The following GFI1B variants were observed in gnomAD, a reference collection of about 807,000 sequenced individuals.
GFI1B encodes the protein zinc finger protein Gfi-1b.
Under a neutral mutation model 35.3 loss-of-function variants are expected in GFI1B, and 20 were observed. The observed-to-expected ratio is 0.57, with a 90% CI of 0.40 to 0.82. The LOEUF (loss-of-function observed/expected upper bound fraction) is 0.82. Among genes scored for constraint, GFI1B ranks in the 40% least tolerant of loss-of-function variants. GFI1B has a pLI of 0.00. For missense variants in GFI1B, 430 were observed against 446.3 expected (o/e 0.96, Z 0.33); for synonymous variants, 178 against 177.6 (o/e 1.00, Z -0.02).
chr9:132,985,072 G>C lies in GFI1B; in HGVS notation c.-20-1587G>C, dbSNP rs540752473. 2.6e-5 allele frequency among the ~76,000 whole-genome samples: 4 copies of C among 152,174 alleles called. No homozygotes were observed. In the East Asian group the frequency reaches 7.7e-4, roughly 29 times the overall value. ...TTGCATGGCGGCTGGCCCAAGGGGT[G>C]GGGGGGTGGGACTCCTCTGACGCCT... is the stretch of plus-strand genomic sequence containing the variant. On this transcript the variant is annotated intron_variant, in intron 1 of 6. Coordinates refer to ENST00000372122, the MANE Select transcript of GFI1B (RefSeq NM_001377304.1).
At chr9:132,979,643 A>C (rs1588427671) in intron 1 of GFI1B, among the ~76,000 whole-genome samples, 1 of 152,308 alleles carries the variant, frequency 6.6e-6, no homozygotes, top group African/African-American at 2.4e-5. Flanking sequence ...CTCCAGGAAC[A>C]ATAGGACCGA....
At chr9:132,960,023 C>T (rs1053363000) in intron 1 of GFI1B, among the ~76,000 whole-genome samples, 4 of 152,290 alleles carry the variant, frequency 2.6e-5, no homozygotes, top group East Asian at 1.9e-4. Flanking sequence ...GTCCCCTATA[C>T]CTGCTGGCAA....
rs1048088270 is a variant in GFI1B at position 132,986,291 on chromosome 9, G to A, written c.-20-368G>A. On this transcript the variant is annotated intron_variant, in intron 1 of 6. Coordinates refer to ENST00000372122, the MANE Select transcript of GFI1B (RefSeq NM_001377304.1). ...GCTGATAGAAGCTCCGAGTTCTGGC[G>A]GCTGTCGGCACTGCCTGGCATTCTC... Among the ~76,000 whole-genome samples, 11 of 148,264 alleles carry A rather than the reference G, an allele frequency of 7.4e-5. No individual in the cohort carries two copies. The East Asian group carries it at 2.1e-3, about 29-fold the overall frequency.
At chr9:132,969,437 T>A (rs973883624) in intron 1 of GFI1B, among the ~76,000 whole-genome samples, 1 of 152,234 alleles carries the variant, frequency 6.6e-6, no homozygotes, top group African/African-American at 2.4e-5. Context: ...TCGGGGTTCA[T>A]CCAGGTTGTT....
intron 1 of GFI1B, among the ~76,000 whole-genome samples, chr9:132,981,942 G>A (rs372555398): frequency 2.6e-4 from 39 of 152,256 alleles, no homozygotes; most frequent in East Asian, 2.1e-3. Context: ...TAGTAGAGAC[G>A]GGGTTTCCCC....
In GFI1B at chr9:132,990,892, C is replaced by A. The variant is rs763548823; in HGVS notation, c.835C>A (p.Gln279Lys). The A allele has an allele frequency of 6.2e-7, 1 of 1,614,220 alleles. No homozygotes were observed. Among genetic ancestry groups the A allele is most frequent in the Admixed American group, 1.7e-5 (1 of 60,032 alleles). The stretch of plus-strand genomic sequence containing the variant: ...TGCAGGTGAGAAGCCGCACAAGTGC[C>A]AGGTGTGCGGAAAGGCCTTCAGCCA... ...IHTGEKPHKC[Q>K]VCGKAFSQSS... is the part of the protein sequence containing the mutation. Residue 279 changes from glutamine to lysine, a missense_variant, in exon 7 of 7, where the codon CAG becomes AAG. Gln to Lys is a moderately conservative substitution (Grantham distance 53). Coordinates refer to ENST00000372122, the MANE Select transcript of GFI1B (RefSeq NM_001377304.1).
intron 1 of GFI1B, among the ~76,000 whole-genome samples, chr9:132,984,026 G>A (rs76251035): frequency 0.027 from 4,139 of 152,356 alleles, 187 homozygotes; most frequent in African/African-American, 0.093. Flanking sequence ...AGGCTAAGCA[G>A]CCCCCTGCCA....
chr9:132,955,033 A>C (rs1455677236), intron 1 of GFI1B, among the ~76,000 whole-genome samples: 2 of 152,152 alleles, frequency 1.3e-5, no homozygotes, highest in Non-Finnish European at 2.9e-5. Context: ...TTTTTAAAGA[A>C]ACAAAAAACT....
chr9:132,974,072 T>A (rs1479041982), upstream of GFI1B, among the ~76,000 whole-genome samples: 1 of 152,136 alleles, frequency 6.6e-6, no homozygotes, highest in African/African-American at 2.4e-5. Context: ...TGGGTAGAGA[T>A]CATGGCGTGA....
At chr9:132,973,299 G>A (rs1019228807) in intron 2 of GFI1B, among the ~76,000 whole-genome samples, 4 of 152,226 alleles carry the variant, frequency 2.6e-5, no homozygotes, top group Non-Finnish European at 5.9e-5. Flanking sequence ...CCCGCACAGA[G>A]CTTCCCCAGC....
At chr9:132,949,940 C>T (rs1848175779) in intron 1 of GFI1B, 1 of 153,180 alleles carries the variant, frequency 6.5e-6, no homozygotes, top group Admixed American at 6.5e-5. Flanking sequence ...ATAGCAAGAC[C>T]CCATCTCTAC....
chr9:132,956,690 G>T (rs1442356379), intron 1 of GFI1B, among the ~76,000 whole-genome samples: 1 of 152,236 alleles, frequency 6.6e-6, no homozygotes, highest in Non-Finnish European at 1.5e-5. Flanking sequence ...CTATTGCTGT[G>T]GAGCAATTAA....
At chr9:132,955,298 CT>C (rs987104465) in intron 1 of GFI1B, among the ~76,000 whole-genome samples, 22 of 150,614 alleles carry the variant, frequency 1.5e-4, no homozygotes, top group Non-Finnish European at 3.3e-4. Context: ...AGCATTTTTT[CT>C]TTTTTTTTGA....
At chr9:132,975,601 C>A (rs1172787908), upstream of GFI1B, among the ~76,000 whole-genome samples, 1 of 152,132 alleles carries the variant, frequency 6.6e-6, no homozygotes, top group Non-Finnish European at 1.5e-5. Flanking sequence ...CCCTCTAGAC[C>A]AGGAAGGAAT....
chr9:132,988,214 T>A lies in GFI1B; in HGVS notation c.256T>A (p.Ser86Thr), dbSNP rs765677480. The A allele has an allele frequency of 2.5e-6, 4 of 1,613,970 alleles. No homozygotes were observed. The African/African-American group carries it at 4.0e-5, about 16-fold the overall frequency. The change falls in exon 4 of 7, where the codon TCC becomes ACC. Residue 86 changes from serine (S) to threonine (T), a missense_variant. By Grantham distance (58) the Ser-to-Thr change is moderately conservative. Coordinates refer to ENST00000372122, the MANE Select transcript of GFI1B (RefSeq NM_001377304.1). ...CTCCACAGAGGGCCCCATTGTGCTG[T>A]CCCGACCCCAGGATGGGGACTCTCC... ...APAPEGPIVL[S>T]RPQDGDSPLS...
In GFI1B at chr9:132,989,987, CGTGAGG is replaced by C; in HGVS notation, c.814+81_814+86del. ...TGAGAGATGCATCAGAGGCCCCCAG[CGTGAGG>C]CTGGGGGCGGGGTCTAGTTACAAAG... On this transcript the variant is annotated intron_variant, in intron 6 of 6. Coordinates refer to ENST00000372122, the MANE Select transcript of GFI1B (RefSeq NM_001377304.1). This position sits in a 1 kb window ranked among gnomAD's most constrained non-coding sequence, Gnocchi z 6.2. 1 of 1,287,348 alleles carries C rather than the reference CGTGAGG, an allele frequency of 7.8e-7. No individual in the cohort carries two copies. The highest frequency in any genetic ancestry group is 2.4e-5 in the East Asian group (1 of 42,040). The allele number at this position is 1,287,348 out of a possible 1,614,324, so 79.7% of individuals were successfully genotyped here. A position where few individuals can be genotyped will look rare whatever the true frequency, so the allele number is the denominator to read the frequency against.
chr9:132,955,570 G>A (rs192133457), intron 1 of GFI1B, among the ~76,000 whole-genome samples: 167 of 152,326 alleles, frequency 1.1e-3, no homozygotes, highest in African/African-American at 3.8e-3. Flanking sequence ...GGGATTACAG[G>A]CATTAGCTAC....
At chr9:132,990,002 G>C in intron 6 of GFI1B, 95 bp downstream of exon 6, 2 of 1,140,768 alleles carry the variant, frequency 1.8e-6, no homozygotes, top group Non-Finnish European at 2.6e-6. Context: ...GGCTGGGGGC[G>C]GGGTCTAGTT....
chr9:132,966,750 C>T (rs1016462948), intron 1 of GFI1B, among the ~76,000 whole-genome samples: 6 of 152,206 alleles, frequency 3.9e-5, no homozygotes, highest in African/African-American at 1.4e-4. Context: ...TAACCAAACT[C>T]AGCATCACTA....
Sources: gnomAD v4.1 joint callset for allele counts (sites outside exome capture counted in the v4.1 genomes callset) on GRCh38, gnomAD v4.1.1 for gene constraint, Gnocchi (gnomAD v3.1) non-coding constraint, MANE v1.5 for transcripts, NCBI Gene and HGNC (gene_info 2026-07-23, HGNC 2026-07-21) for gene names.